The following TECRL variants were observed in gnomAD, a reference collection of about 807,000 sequenced individuals.
TECRL encodes trans-2,3-enoyl-CoA reductase like.
TECRL carries 63 observed loss-of-function variants against 52.8 expected under a neutral mutation model. The observed-to-expected ratio is 1.19, with a 90% CI of 0.97 to 1.47. TECRL has a LOEUF of 1.47. Ranked by LOEUF, TECRL falls within the 40% of genes most tolerant of loss-of-function variation. The pLI is 0.00. For synonymous variants in TECRL, 164 were observed against 141.9 expected, an observed-to-expected ratio of 1.16 and a Z score of -1.10; for missense variants, 482 against 429.6, an observed-to-expected ratio of 1.12 and a Z score of -1.08.
At chr4:64,328,336 A>G (rs549677725) in intron 3 of TECRL, among the ~76,000 whole-genome samples, 176 bp downstream of exon 3, 1 of 152,110 alleles carries the variant, frequency 6.6e-6, no homozygotes, top group East Asian at 1.9e-4. Flanking sequence ...TATGTAAAAA[A>G]TACCTATTTG....
At chr4:64,313,404 A>G (rs1717201410) in intron 5 of TECRL, among the ~76,000 whole-genome samples, 1 of 150,874 alleles carries the variant, frequency 6.6e-6, no homozygotes, top group Non-Finnish European at 1.5e-5. Context: ...AGAGAGACAG[A>G]GAGAGAAAGA....
chr4:64,365,811 G>A (rs756131682), intron 2 of TECRL, among the ~76,000 whole-genome samples: 7 of 151,794 alleles, frequency 4.6e-5, no homozygotes, highest in Admixed American at 3.3e-4. Context: ...AGACCAAAGC[G>A]ATGTACAGAC....
intron 4 of TECRL, among the ~76,000 whole-genome samples, chr4:64,316,227 A>G (rs1423693980): frequency 1.3e-5 from 2 of 152,150 alleles, no homozygotes; most frequent in Admixed American, 6.5e-5. Flanking sequence ...AATCTTTATT[A>G]ACTTAATAAA....
In TECRL at chr4:64,369,309, T is replaced by A. The variant is rs1721827885; in HGVS notation, c.286+5863A>T. 2.0e-5 allele frequency among the ~76,000 whole-genome samples: 3 copies of A among 152,190 alleles called. No individual in the cohort carries two copies. The South Asian group carries it at 6.2e-4, about 31-fold the overall frequency. On this transcript the variant is annotated intron_variant, in intron 2 of 11. Coordinates refer to ENST00000381210, the MANE Select transcript of TECRL (RefSeq NM_001010874.5). The stretch of plus-strand genomic sequence containing the variant: ...AAGCCATATTTTCACTCTTCCTCTA[T>A]ATTCATATTAGCTGTTGTTTTTATT...
At chr4:64,331,162 AT>A (rs1046335936) in intron 2 of TECRL, among the ~76,000 whole-genome samples, 2 of 152,112 alleles carry the variant, frequency 1.3e-5, no homozygotes, top group African/African-American at 4.8e-5. Context: ...CTAGAAAGAA[AT>A]TCACCTCCAG....
chr4:64,280,842 T>G (rs1722786856), intron 11 of TECRL, among the ~76,000 whole-genome samples, 199 bp downstream of exon 11: 1 of 152,162 alleles, frequency 6.6e-6, no homozygotes, highest in Non-Finnish European at 1.5e-5. Flanking sequence ...CTGGCTTGGA[T>G]TAAGCAACAA....
chr4:64,334,100 A>T (rs1371555949), intron 2 of TECRL, among the ~76,000 whole-genome samples: 2 of 150,084 alleles, frequency 1.3e-5, no homozygotes, highest in Non-Finnish European at 3.0e-5. Flanking sequence ...TGAATATGTT[A>T]TTTTATTAGA....
intron 2 of TECRL, among the ~76,000 whole-genome samples, chr4:64,365,371 A>T (rs1721522388): frequency 6.6e-6 from 1 of 152,146 alleles, no homozygotes; most frequent in Non-Finnish European, 1.5e-5. Context: ...CAGTACTGGA[A>T]GTCCTAGCCA....
Position 64,375,216 on chromosome 4 carries a change from T to A in TECRL, c.242A>T (p.Gln81Leu). 7.1e-7 allele frequency: 1 copy of A among 1,407,688 alleles called. No individual in the cohort carries two copies. The highest frequency in any genetic ancestry group is 9.4e-7 in the Non-Finnish European group (1 of 1,063,502). The allele number at this position is 1,407,688 out of a possible 1,614,324, so 87.2% of individuals were successfully genotyped here. A position where few individuals can be genotyped will look rare whatever the true frequency, so the allele number is the denominator to read the frequency against. ...KQICILDKVT[Q>L]SSTIHDVKQK... is the part of the protein sequence containing the mutation. ...CTTAACATCATGAATAGTAGATGAT[T>A]GTGTCACCTGAAAAGGAAAAGAAAA... The change falls in exon 2 of 12, where the codon CAA becomes CTA. Residue 81 changes from glutamine to leucine, a missense_variant. By Grantham distance (113) the Gln-to-Leu change is moderately radical. Transcript: ENST00000381210.
At chr4:64,338,094 A>G (rs183342496) in intron 2 of TECRL, among the ~76,000 whole-genome samples, 1 of 152,284 alleles carries the variant, frequency 6.6e-6, no homozygotes, top group East Asian at 1.9e-4. Flanking sequence ...ATATAGACCA[A>G]TGGAACAGAA....
At chr4:64,360,250 C>A (rs866201980) in intron 2 of TECRL, among the ~76,000 whole-genome samples, 109 of 33,990 alleles carry the variant, frequency 3.2e-3, no homozygotes, top group African/African-American at 5.0e-3. Flanking sequence ...TGGGAGATAC[C>A]CACTTAATTT....
intron 1 of TECRL, among the ~76,000 whole-genome samples, chr4:64,384,223 A>G (rs891249733): frequency 2.2e-4 from 33 of 151,920 alleles, no homozygotes; most frequent in African/African-American, 7.3e-4. Context: ...GTGGCTTCTC[A>G]TGTGCTTACA....
At chr4:64,333,190 C>CA (rs951938618) in intron 2 of TECRL, among the ~76,000 whole-genome samples, 1 of 151,390 alleles carries the variant, frequency 6.6e-6, no homozygotes, top group East Asian at 1.9e-4. Flanking sequence ...GATTAAAAAA[C>CA]AAAAAATGTC....
chr4:64,288,686 T>A (rs1341997995), intron 9 of TECRL, among the ~76,000 whole-genome samples: 1 of 152,124 alleles, frequency 6.6e-6, no homozygotes, highest in Non-Finnish European at 1.5e-5. Flanking sequence ...CAAAAAAAGG[T>A]CATGGTCACT....
chr4:64,295,203 T>C (rs1723611173), intron 8 of TECRL, among the ~76,000 whole-genome samples: 1 of 151,668 alleles, frequency 6.6e-6, no homozygotes, highest in African/African-American at 2.4e-5. Flanking sequence ...TACTAACCAA[T>C]ATATTTTCAG....
chr4:64,405,310 G>C (rs1457387308), intron 1 of TECRL, among the ~76,000 whole-genome samples: 1 of 152,090 alleles, frequency 6.6e-6, no homozygotes, highest in Non-Finnish European at 1.5e-5. Context: ...TATTGAAAGT[G>C]ATAAAGACAC....
chr4:64,353,975 T>C (rs1223745523), intron 2 of TECRL, among the ~76,000 whole-genome samples: 3 of 151,924 alleles, frequency 2.0e-5, no homozygotes, highest in East Asian at 3.9e-4. Context: ...AATCAAACAA[T>C]AAAACAAACA....
At chr4:64,319,939 G>A (rs1041225734) in intron 4 of TECRL, among the ~76,000 whole-genome samples, 1 of 151,870 alleles carries the variant, frequency 6.6e-6, no homozygotes. Context: ...CTCCAGGATA[G>A]GAAAAAGTGT....
intron 2 of TECRL, among the ~76,000 whole-genome samples, chr4:64,333,497 A>C (rs1718799234): frequency 1.3e-5 from 2 of 152,308 alleles, no homozygotes; most frequent in South Asian, 4.1e-4. Context: ...GGATAATTCT[A>C]TACAAAAAAG....
Sources: allele counts gnomAD v4.1 joint callset (sites outside exome capture counted in the v4.1 genomes callset), GRCh38; gene constraint gnomAD v4.1.1; transcripts MANE v1.5; gene names NCBI Gene and HGNC (gene_info 2026-07-23, HGNC 2026-07-21).